NOS1AP: variants seen among roughly 807,000 people sequenced by gnomAD.
NOS1AP encodes the protein carboxyl-terminal PDZ ligand of neuronal nitric oxide synthase protein.
Under a neutral mutation model 56.2 loss-of-function variants are expected in NOS1AP, and 21 were observed. That is an observed-to-expected ratio of 0.37 (90% CI 0.26 to 0.54). The LOEUF is 0.54. Among genes scored for constraint, NOS1AP ranks in the 20% least tolerant of loss-of-function variants. The probability of loss-of-function intolerance (pLI) is 0.84; values close to 1 mark genes in which losing one functional copy is unlikely to be tolerated. For synonymous variants in NOS1AP, 270 were observed against 274.6 expected, an observed-to-expected ratio of 0.98 and a Z score of 0.17; for missense variants, 522 against 657.8, an observed-to-expected ratio of 0.79 and a Z score of 2.26.
At chr1:162,305,062 A>G (rs1655778714) in intron 4 of NOS1AP, among the ~76,000 whole-genome samples, 1 of 152,128 alleles carries the variant, frequency 6.6e-6, no homozygotes, top group Non-Finnish European at 1.5e-5. Context: ...ATTAAGTCAA[A>G]TTTTTTATTT....
intron 1 of NOS1AP, among the ~76,000 whole-genome samples, chr1:162,153,723 A>C (rs955440130): frequency 3.9e-5 from 6 of 152,370 alleles, no homozygotes; most frequent in African/African-American, 1.4e-4. Flanking sequence ...ACCCATCAGT[A>C]CACAAAGAGA....
intron 1 of NOS1AP, among the ~76,000 whole-genome samples, chr1:162,070,663 C>T (rs1279063300): frequency 6.6e-6 from 1 of 152,176 alleles, no homozygotes; most frequent in Admixed American, 6.5e-5. Flanking sequence ...TGTTATTTAC[C>T]TGCTGGGCTC....
chr1:162,109,665 G>T (rs1647641494), intron 1 of NOS1AP, among the ~76,000 whole-genome samples: 2 of 152,102 alleles, frequency 1.3e-5, no homozygotes, highest in Admixed American at 6.5e-5. Flanking sequence ...GGGCTCAGAA[G>T]AAGGGAATTT....
chr1:162,140,073 C>A (rs1379433229), intron 1 of NOS1AP, among the ~76,000 whole-genome samples: 1 of 152,232 alleles, frequency 6.6e-6, no homozygotes, highest in Non-Finnish European at 1.5e-5. Flanking sequence ...AAGTGATCCA[C>A]CTGCCTCAGC....
intron 2 of NOS1AP, among the ~76,000 whole-genome samples, chr1:162,273,006 G>A (rs1205421118): frequency 1.3e-5 from 2 of 152,026 alleles, no homozygotes; most frequent in Non-Finnish European, 2.9e-5. Flanking sequence ...CTTCATGGGT[G>A]TCCATTGCCC....
chr1:162,314,927 C>T (rs1198691061), intron 4 of NOS1AP, among the ~76,000 whole-genome samples: 1 of 152,190 alleles, frequency 6.6e-6, no homozygotes, highest in African/African-American at 2.4e-5. Context: ...AAAAACAAAC[C>T]AATCTAACTT....
At chr1:162,363,694 C>A in intron 8 of NOS1AP, 1 of 697,084 alleles carries the variant, frequency 1.4e-6, no homozygotes, top group Non-Finnish European at 1.8e-6. Flanking sequence ...TCTTACCACT[C>A]TGGAGATCTC....
At chr1:162,317,627 A>C (rs911806118) in intron 4 of NOS1AP, 30 of 151,994 alleles carry the variant, frequency 2.0e-4, no homozygotes, top group African/African-American at 5.8e-4. Context: ...AGGCCTCCCC[A>C]CCCTTCCAGC....
chr1:162,233,734 T>A (rs1653199497), intron 2 of NOS1AP, among the ~76,000 whole-genome samples: 2 of 152,220 alleles, frequency 1.3e-5, no homozygotes, highest in Non-Finnish European at 2.9e-5. Flanking sequence ...AGGCAGTGTT[T>A]TGAACTCAAG....
chr1:162,341,724 A>G lies in NOS1AP; in HGVS notation c.454-2111A>G, dbSNP rs148252877. Among the ~76,000 whole-genome samples the G allele has an allele frequency of 2.2e-4, 33 of 152,290 alleles. No individual in the cohort carries two copies. The East Asian group carries it at 6.4e-3, about 29-fold the overall frequency. On this transcript the variant is annotated intron_variant, in intron 5 of 9. Coordinates refer to ENST00000361897, the MANE Select transcript of NOS1AP (RefSeq NM_014697.3). The stretch of plus-strand genomic sequence containing the variant: ...CCATAGGCAGTCTGCTCTTACTCTC[A>G]TAAAAGGAATAGGAACCAAAAAATC...
intron 2 of NOS1AP, among the ~76,000 whole-genome samples, chr1:162,157,945 A>C (rs1045725003): frequency 1.3e-5 from 2 of 152,002 alleles, no homozygotes. Context: ...TTCTGAATTT[A>C]TGTTATCTGT....
chr1:162,130,165 A>G (rs1648686600), intron 1 of NOS1AP, among the ~76,000 whole-genome samples: 1 of 152,190 alleles, frequency 6.6e-6, no homozygotes, highest in African/African-American at 2.4e-5. Flanking sequence ...AGTTACGGCT[A>G]TTTCTGATAA....
chr1:162,150,284 G>A (rs1649656666), intron 1 of NOS1AP, among the ~76,000 whole-genome samples: 1 of 152,156 alleles, frequency 6.6e-6, no homozygotes, highest in Non-Finnish European at 1.5e-5. Context: ...TTTTATCTGT[G>A]TTATTGCAAA....
intron 2 of NOS1AP, among the ~76,000 whole-genome samples, chr1:162,162,070 C>T (rs1650250109): frequency 6.6e-6 from 1 of 152,078 alleles, no homozygotes; most frequent in Non-Finnish European, 1.5e-5. Context: ...TTCATTTGAT[C>T]CTAATGACAA....
intron 8 of NOS1AP, 134 bp downstream of exon 8, chr1:162,357,270 T>A (rs979167939): frequency 1.3e-6 from 2 of 1,484,936 alleles, no homozygotes; most frequent in African/African-American, 2.8e-5. Flanking sequence ...GGATCATTGC[T>A]TGTTGGGGAG....
intron 4 of NOS1AP, among the ~76,000 whole-genome samples, chr1:162,326,631 G>A (rs917206759): frequency 6.6e-6 from 1 of 152,212 alleles, no homozygotes; most frequent in Admixed American, 6.5e-5. Flanking sequence ...GTTCCAGTCT[G>A]AGTCTGAAGA....
rs766848020 is a variant in NOS1AP, at chr1:162,300,723, G to T, written c.344+17G>T. 4 of 1,612,230 alleles carry T rather than the reference G, an allele frequency of 2.5e-6. No homozygotes were observed. In the Admixed American group the frequency reaches 5.0e-5, roughly 20 times the overall value. On this transcript the variant is annotated intron_variant, in intron 4 of 9. Transcript: ENST00000361897. ...CATCTACAGGTAAGAGCCCAGTCCAGCACCCAAGATATCACTGAGCCCCAG... is the reference window on the plus strand; with the variant it reads ...CATCTACAGGTAAGAGCCCAGTCCATCACCCAAGATATCACTGAGCCCCAG...
chr1:162,214,108 A>G (rs1157201846), intron 2 of NOS1AP, among the ~76,000 whole-genome samples: 2 of 152,320 alleles, frequency 1.3e-5, no homozygotes, highest in South Asian at 2.1e-4. Context: ...AAGAATATAT[A>G]AAATTGAATT....
At chr1:162,280,292 GACA>G (rs1654876344) in intron 2 of NOS1AP, among the ~76,000 whole-genome samples, 2 of 152,186 alleles carry the variant, frequency 1.3e-5, no homozygotes, top group Non-Finnish European at 2.9e-5. Context: ...GAAAATGGAT[GACA>G]ACAACTAGCA....
Sources: gnomAD v4.1 joint callset for allele counts (sites outside exome capture counted in the v4.1 genomes callset) on GRCh38, gnomAD v4.1.1 for gene constraint, MANE v1.5 for transcripts, NCBI Gene and HGNC (gene_info 2026-07-23, HGNC 2026-07-21) for gene names.